Variants in MPC2 observed in about 807,000 individuals in gnomAD.
MPC2 encodes mitochondrial pyruvate carrier 2.
A neutral mutation model predicts 19.2 loss-of-function variants in MPC2; 19 were observed. The observed-to-expected ratio is 0.99, with a 90% CI of 0.69 to 1.45. MPC2 has a LOEUF of 1.45. Ranked by LOEUF, MPC2 falls within the 40% of genes most tolerant of loss-of-function variation. The probability of loss-of-function intolerance (pLI) is 0.00; values close to 1 mark genes in which losing one functional copy is unlikely to be tolerated. For missense variants in MPC2, 122 were observed against 153.0 expected, an observed-to-expected ratio of 0.80 and a Z score of 1.07; for synonymous variants, 61 against 54.3, an observed-to-expected ratio of 1.12 and a Z score of -0.54.
chr1:167,933,211 AG>A (rs1380678248), intron 2 of MPC2, among the ~76,000 whole-genome samples: 1 of 147,566 alleles, frequency 6.8e-6, no homozygotes, highest in African/African-American at 2.5e-5. Flanking sequence ...CTCTGTTGCC[AG>A]GCTGGAGTGC....
rs1181387270 is a variant in MPC2, at chr1:167,918,718, C to G, written c.348-359G>C. ...ACGCCATTCTCCTGCCTCAGCCCCC[C>G]GAGTAGCTGGGACTACAGGCGCCCG... is the stretch of plus-strand genomic sequence containing the variant. On this transcript the variant is annotated intron_variant, in intron 5 of 5. Transcript: ENST00000271373. Among the ~76,000 whole-genome samples, 4 of 151,554 alleles carry G rather than the reference C, an allele frequency of 2.6e-5. No homozygotes were observed. In the South Asian group the frequency reaches 8.4e-4, roughly 32 times the overall value.
rs965227022 is a variant in MPC2, at chr1:167,936,826, G to C, written c.-58+113C>G. Reference sequence around the variant, plus strand: ...CCCGGCGCGCGGATGGTGCCGGTGCGGCTCGGGTGTTGAAACGGGTGTCCC... The same window carrying C: ...CCCGGCGCGCGGATGGTGCCGGTGCCGCTCGGGTGTTGAAACGGGTGTCCC... On this transcript the variant is annotated intron_variant, in intron 1 of 5. Coordinates refer to ENST00000271373, the MANE Select transcript of MPC2 (RefSeq NM_001143674.4). 12 of 1,234,302 alleles carry C rather than the reference G, an allele frequency of 9.7e-6. No homozygotes were observed. The Admixed American group carries it at 1.8e-4, about 19-fold the overall frequency. 76.5% of individuals were successfully genotyped at this position (1,234,302 alleles called of 1,614,324 possible).
At chr1:167,920,730 T>C in intron 3 of MPC2, 99 bp from the exon 4 acceptor site, 1 of 1,161,146 alleles carries the variant, frequency 8.6e-7, no homozygotes, top group Non-Finnish European at 1.2e-6. Flanking sequence ...TTTCCGTAAG[T>C]TAGCAGCTAT....
chr1:167,929,831 A>C (rs1433025204), intron 2 of MPC2, among the ~76,000 whole-genome samples: 1 of 152,154 alleles, frequency 6.6e-6, no homozygotes, highest in Non-Finnish European at 1.5e-5. Flanking sequence ...GTGAAAAATA[A>C]AGTTTCTTAC....
chr1:167,926,346 C>T (rs1011037382), intron 2 of MPC2, among the ~76,000 whole-genome samples: 9 of 152,148 alleles, frequency 5.9e-5, no homozygotes, highest in Non-Finnish European at 1.2e-4. Flanking sequence ...CAGTATTGTT[C>T]TGGGCACAGC....
At chr1:167,934,620 G>C (rs1031821904) in intron 2 of MPC2, among the ~76,000 whole-genome samples, 2 of 152,212 alleles carry the variant, frequency 1.3e-5, no homozygotes, top group African/African-American at 2.4e-5. Flanking sequence ...ATCAGATTTA[G>C]TAACCAGTTC....
At position 167,917,584 on chromosome 1, in the gene MPC2, C is replaced by A. The variant is rs1475842457; in HGVS notation, c.*739G>T. 3.1e-5 allele frequency: 4 copies of A among 130,656 alleles called. No homozygotes were observed. The highest frequency in any genetic ancestry group is 2.3e-4 in the South Asian group (1 of 4,330). The allele number at this position is 130,656 out of a possible 1,614,324, so 8.1% of individuals were successfully genotyped here. On this transcript the variant is annotated 3_prime_UTR_variant, in exon 6 of 6. Coordinates refer to ENST00000271373, the MANE Select transcript of MPC2 (RefSeq NM_001143674.4). ...CTGCACTCCAGCCTGGGCCACAGAGCGAGACCCTGTCTCAAAAAAAAAAAA... is the reference window on the plus strand; with the variant it reads ...CTGCACTCCAGCCTGGGCCACAGAGAGAGACCCTGTCTCAAAAAAAAAAAA...
intron 2 of MPC2, among the ~76,000 whole-genome samples, chr1:167,934,639 G>C (rs1671013552): frequency 6.6e-6 from 1 of 152,152 alleles, no homozygotes; most frequent in Non-Finnish European, 1.5e-5. Flanking sequence ...TCAGACTCCA[G>C]AGAGCTGGTT....
In MPC2 at chr1:167,929,633, CTTAT is replaced by C. The variant is rs562242384; in HGVS notation, c.110-5100_110-5097del. 1.7e-4 allele frequency among the ~76,000 whole-genome samples: 26 copies of C among 152,226 alleles called. No homozygotes were observed. The South Asian group carries it at 4.8e-3, about 28-fold the overall frequency. Reference sequence around the variant, plus strand: ...TGACATAAACTTACTTCCTAATTTCCTTATTTGAGAGAAATTACTGTTAATAAAA... The same window carrying C: ...TGACATAAACTTACTTCCTAATTTCCTTGAGAGAAATTACTGTTAATAAAA... On this transcript the variant is annotated intron_variant, in intron 2 of 5. Coordinates refer to ENST00000271373, the MANE Select transcript of MPC2 (RefSeq NM_001143674.4).
At chr1:167,918,414 G>A (rs1048421538) in intron 5 of MPC2, 55 bp from the exon 6 acceptor site, 2 of 1,176,782 alleles carry the variant, frequency 1.7e-6, no homozygotes, top group African/African-American at 3.1e-5. Context: ...CAAATTTATG[G>A]TAAGGAGAGA....
intron 2 of MPC2, among the ~76,000 whole-genome samples, chr1:167,932,614 G>C (rs1670941039): frequency 6.6e-6 from 1 of 151,980 alleles, no homozygotes; most frequent in Non-Finnish European, 1.5e-5. Flanking sequence ...TTTGAGACCA[G>C]CCTGGCCAAC....
At chr1:167,926,929 A>G (rs536401758) in intron 2 of MPC2, among the ~76,000 whole-genome samples, 1 of 152,322 alleles carries the variant, frequency 6.6e-6, no homozygotes, top group African/African-American at 2.4e-5. Context: ...AGGTTAGGCT[A>G]AATTGCTCCT....
intron 2 of MPC2, among the ~76,000 whole-genome samples, 178 bp from the exon 3 acceptor site, chr1:167,924,715 C>T (rs1429941630): frequency 6.6e-6 from 1 of 152,158 alleles, no homozygotes; most frequent in Non-Finnish European, 1.5e-5. Flanking sequence ...ACCACAGTAT[C>T]ACAGTACAGT....
intron 2 of MPC2, among the ~76,000 whole-genome samples, chr1:167,925,837 G>A (rs1571512367): frequency 1.3e-5 from 2 of 152,156 alleles, no homozygotes; most frequent in East Asian, 3.9e-4. Flanking sequence ...GTGAGCCACC[G>A]TGCCCGGCCA....
chr1:167,928,810 A>G (rs1242355926), intron 2 of MPC2, among the ~76,000 whole-genome samples: 1 of 152,234 alleles, frequency 6.6e-6, no homozygotes, highest in East Asian at 1.9e-4. Flanking sequence ...CCTGGCTAAC[A>G]TCCATTATGA....
At chr1:167,931,504 A>G (rs1218800935) in intron 2 of MPC2, among the ~76,000 whole-genome samples, 1 of 151,792 alleles carries the variant, frequency 6.6e-6, no homozygotes, top group Non-Finnish European at 1.5e-5. Flanking sequence ...AAAATAATAT[A>G]TGTATATTTA....
At chr1:167,923,487 A>C (rs550907861) in intron 3 of MPC2, among the ~76,000 whole-genome samples, 7 of 152,306 alleles carry the variant, frequency 4.6e-5, no homozygotes, top group Admixed American at 2.0e-4. Context: ...TGAGGTACTT[A>C]GAGTAGTGAA....
chr1:167,933,249 C>A (rs1571520526), intron 2 of MPC2, among the ~76,000 whole-genome samples: 1 of 151,216 alleles, frequency 6.6e-6, no homozygotes, highest in East Asian at 1.9e-4. Context: ...CTAACTGCAA[C>A]CTCCACCTCC....
chr1:167,929,263 G>A (rs989339515), intron 2 of MPC2, among the ~76,000 whole-genome samples: 14 of 152,114 alleles, frequency 9.2e-5, no homozygotes, highest in African/African-American at 3.4e-4. Flanking sequence ...GAAGGTTGAG[G>A]CAGGGGAATC....
Sources: allele counts gnomAD v4.1 joint callset (sites outside exome capture counted in the v4.1 genomes callset), GRCh38; gene constraint gnomAD v4.1.1; transcripts MANE v1.5; gene names NCBI Gene and HGNC (gene_info 2026-07-23, HGNC 2026-07-21).